Variants in LRRC28 observed in about 807,000 individuals in gnomAD.
LRRC28 encodes the protein leucine-rich repeat-containing protein 28.
A neutral mutation model predicts 45.7 loss-of-function variants in LRRC28; 39 were observed. The ratio of observed to expected loss-of-function variants is 0.85; its 90% CI spans 0.66 to 1.12. LRRC28 has a LOEUF of 1.12. Among genes scored for constraint, LRRC28 ranks in the 50% most tolerant of loss-of-function variants. The pLI, the probability that LRRC28 is intolerant of heterozygous loss-of-function variation, is 0.00. For synonymous variants in LRRC28, 206 were observed against 178.8 expected (o/e 1.15, Z -1.22); for missense variants, 435 against 438.5 (o/e 0.99, Z 0.07).
chr15:99,257,500 A>G, intron 2 of LRRC28: 3 of 396,966 alleles, frequency 7.6e-6, no homozygotes, highest in South Asian at 7.1e-5. Flanking sequence ...CAGAGAATTG[A>G]CCTTTGCTTA....
At chr15:99,276,666 A>C in intron 3 of LRRC28, 50 bp downstream of exon 3, 2 of 1,384,740 alleles carry the variant, frequency 1.4e-6, no homozygotes, top group Non-Finnish European at 1.9e-6. Context: ...AAATAATTCT[A>C]AGTTGTTTGA....
intron 5 of LRRC28, among the ~76,000 whole-genome samples, chr15:99,315,489 A>C (rs1955560982): frequency 6.6e-6 from 1 of 152,176 alleles, no homozygotes; most frequent in Admixed American, 6.5e-5. Context: ...CTAGGATCTC[A>C]TGCCAGTAGT....
intron 7 of LRRC28, among the ~76,000 whole-genome samples, chr15:99,359,470 G>A (rs550733260): frequency 3.3e-4 from 51 of 152,288 alleles, no homozygotes; most frequent in African/African-American, 1.2e-3. Context: ...TAACCAAGGA[G>A]GCATTTCCAT....
At chr15:99,271,332 G>A (rs2081473215) in intron 2 of LRRC28, among the ~76,000 whole-genome samples, 1 of 150,758 alleles carries the variant, frequency 6.6e-6, no homozygotes, top group Admixed American at 6.6e-5. Context: ...AGGCTGGAGT[G>A]CAGTGGCACC....
intron 7 of LRRC28, among the ~76,000 whole-genome samples, chr15:99,354,509 A>G: frequency 6.6e-6 from 1 of 152,192 alleles, no homozygotes; most frequent in Non-Finnish European, 1.5e-5. Flanking sequence ...TAGTAAAAGG[A>G]CATACGTGTG....
At chr15:99,256,595 T>G (rs971191319) in intron 2 of LRRC28, among the ~76,000 whole-genome samples, 12 of 152,242 alleles carry the variant, frequency 7.9e-5, no homozygotes, top group Admixed American at 7.2e-4. Flanking sequence ...GGAAGCTTAA[T>G]GTAACTTTTC....
At chr15:99,359,368 A>G (rs751892267) in intron 7 of LRRC28, among the ~76,000 whole-genome samples, 2 of 152,220 alleles carry the variant, frequency 1.3e-5, no homozygotes, top group Non-Finnish European at 2.9e-5. Context: ...TTAATTTAAT[A>G]GAAAATGAGA....
chr15:99,338,442 T>C (rs934178508), intron 6 of LRRC28: 7 of 152,214 alleles, frequency 4.6e-5, no homozygotes, highest in African/African-American at 1.7e-4. Flanking sequence ...CTCTTTACAG[T>C]AGTTTGGAAA....
chr15:99,346,608 T>C (rs925599372), intron 6 of LRRC28, among the ~76,000 whole-genome samples: 4 of 152,172 alleles, frequency 2.6e-5, no homozygotes, highest in Non-Finnish European at 5.9e-5. Context: ...ATTAATTTTT[T>C]TAGGGCATTA....
intron 6 of LRRC28, among the ~76,000 whole-genome samples, chr15:99,336,559 G>A (rs1297484473): frequency 3.3e-5 from 5 of 152,254 alleles, no homozygotes; most frequent in East Asian, 1.9e-4. Flanking sequence ...TGACACTCTC[G>A]TTGGCCTCAT....
rs190359068 is a variant in LRRC28, at chr15:99,361,387, A to G, written c.747A>G (p.Ser249=). The G allele has an allele frequency of 2.5e-6, 4 of 1,613,776 alleles. No individual in the cohort carries two copies. In the East Asian group the frequency reaches 8.9e-5, roughly 36 times the overall value. The change falls in exon 8 of 10, where the codon TCA becomes TCG. Residue 249 remains serine (S), a synonymous_variant. Coordinates refer to ENST00000301981, the MANE Select transcript of LRRC28 (RefSeq NM_144598.5). The stretch of plus-strand genomic sequence containing the variant: ...AGGTGAAGCTGCTTTCCTTTTCATC[A>G]GGGCAGCGAACCGTTTTCCTCCCAG... ...VSEVKLLSFS[S]GQRTVFLPAE...
Position 99,388,424 on chromosome 15 carries a change from G to T in LRRC28, c.*2322G>T, listed in dbSNP as rs543168278. On this transcript the variant is annotated 3_prime_UTR_variant, in exon 10 of 10. Coordinates refer to ENST00000301981, the MANE Select transcript of LRRC28 (RefSeq NM_144598.5). The stretch of plus-strand genomic sequence containing the variant: ...CTCTACCTATTATGAACTACGGTGT[G>T]TTAAACAACAGCAGTGGGCTGGGCA... 6.6e-6 allele frequency: 1 copy of T among 152,314 alleles called. No individual in the cohort carries two copies. Among genetic ancestry groups the T allele is most frequent in the East Asian group, 1.9e-4 (1 of 5,188 alleles). 9.4% of individuals were successfully genotyped at this position (152,314 alleles called of 1,614,324 possible).
intron 5 of LRRC28, among the ~76,000 whole-genome samples, chr15:99,289,938 T>C (rs1335895979): frequency 2.0e-4 from 3 of 14,844 alleles, no homozygotes; most frequent in Admixed American, 2.1e-3. Flanking sequence ...AGACTCCGTC[T>C]CAAAAAAAAA....
intron 8 of LRRC28, 64 bp downstream of exon 8, chr15:99,361,575 C>G: frequency 6.9e-7 from 1 of 1,458,084 alleles, no homozygotes; most frequent in East Asian, 2.4e-5. Flanking sequence ...GCTTGGTGCA[C>G]CTGTTTTGGC....
At chr15:99,357,265 A>T (rs530501876) in intron 7 of LRRC28, among the ~76,000 whole-genome samples, 8 of 151,938 alleles carry the variant, frequency 5.3e-5, no homozygotes, top group African/African-American at 1.7e-4. Flanking sequence ...CCTCACTATA[A>T]TAGGCCCAGC....
chr15:99,351,697 A>G (rs1956884670), intron 6 of LRRC28, among the ~76,000 whole-genome samples: 1 of 152,210 alleles, frequency 6.6e-6, no homozygotes, highest in African/African-American at 2.4e-5. Flanking sequence ...GGTGAGACAC[A>G]GGAAATCTCT....
intron 7 of LRRC28, among the ~76,000 whole-genome samples, chr15:99,359,082 A>G (rs1414253536): frequency 6.6e-6 from 1 of 152,118 alleles, no homozygotes; most frequent in East Asian, 1.9e-4. Context: ...TTAAAAAAAA[A>G]AAAATCTACA....
chr15:99,266,594 A>G (rs544763165), intron 2 of LRRC28, among the ~76,000 whole-genome samples: 2 of 152,360 alleles, frequency 1.3e-5, no homozygotes, highest in East Asian at 3.9e-4. Flanking sequence ...TTGTTGGGCC[A>G]TATCTAGCAA....
At chr15:99,287,973 C>G (rs1292238267) in intron 5 of LRRC28, 22 bp downstream of exon 5, 12 of 1,585,566 alleles carry the variant, frequency 7.6e-6, no homozygotes, top group Non-Finnish European at 1.0e-5. Flanking sequence ...CTCTAGCACA[C>G]TATAGTTTCT....
Sources: allele counts gnomAD v4.1 joint callset (sites outside exome capture counted in the v4.1 genomes callset), GRCh38; gene constraint gnomAD v4.1.1; transcripts MANE v1.5; gene names NCBI Gene and HGNC (gene_info 2026-07-23, HGNC 2026-07-21).